ANKS4B: variants seen among roughly 807,000 people sequenced by gnomAD.
ANKS4B encodes the protein ankyrin repeat and SAM domain-containing protein 4B.
ANKS4B carries 21 observed loss-of-function variants against 20.2 expected under a neutral mutation model. The ratio of observed to expected loss-of-function variants is 1.04; its 90% confidence interval spans 0.74 to 1.50. ANKS4B has a LOEUF of 1.50. ANKS4B is among the 40% of genes most tolerant of loss of function. The pLI is 0.00. For missense variants in ANKS4B, 473 were observed against 494.6 expected, an observed-to-expected ratio of 0.96 and a Z score of 0.41; for synonymous variants, 179 against 194.5, an observed-to-expected ratio of 0.92 and a Z score of 0.66.
chr16:21,250,345 T>G lies in ANKS4B; in HGVS notation c.779T>G (p.Val260Gly). ...TTGTCAGCAGAGGAGGACGGCAGTG[T>G]GCACCATGAATCCATTCTCAATCGT... ...LQLSAEEDGS[V>G]HHESILNRPG... The change falls in exon 2 of 2, where the codon GTG becomes GGG. Residue 260 changes from valine (V) to glycine (G), a missense_variant. Physicochemically the swap from Val to Gly is moderately radical, Grantham distance 109. Transcript: ENST00000311620. 6.2e-7 allele frequency: 1 copy of G among 1,614,242 alleles called. No individual in the cohort carries two copies. The highest frequency in any genetic ancestry group is 8.5e-7 in the Non-Finnish European group (1 of 1,180,048).
rs937294705 is a variant in ANKS4B at position 21,250,080 on chromosome 16, A to T, written c.514A>T (p.Thr172Ser). The part of the protein sequence containing the change: ...AHTYSKEESG[T>S]LSSSKGTFSR... ...CACCTACAGCAAGGAGGAATCCGGG[A>T]CTCTCTCTTCTTCCAAGGGTACCTT... Residue 172 changes from threonine to serine, a missense_variant, in exon 2 of 2, where the codon ACT becomes TCT. Thr to Ser is a moderately conservative substitution (Grantham distance 58). Transcript: ENST00000311620. The T allele has an allele frequency of 3.7e-5, 59 of 1,613,904 alleles. No homozygotes were observed. The highest frequency in any genetic ancestry group is 3.3e-4 in the Middle Eastern group (2 of 6,084).
chr16:21,249,341 T>C lies in ANKS4B; in HGVS notation c.165-390T>C, dbSNP rs142319415. On this transcript the variant is annotated intron_variant, in intron 1 of 1. Transcript: ENST00000311620. ...TCTACAAAAAATTAGCTAGGTGTCA[T>C]GGTGCATGCCTGTAGTCTCAGCTAC... Among the ~76,000 whole-genome samples the C allele has an allele frequency of 6.6e-4, 100 of 152,326 alleles. 3 individuals carry two copies. The highest frequency in any genetic ancestry group is 2.4e-3 in the African/African-American group (99 of 41,574).
chr16:21,239,403 C>T (rs2093323849), intron 1 of ANKS4B, among the ~76,000 whole-genome samples: 1 of 152,042 alleles, frequency 6.6e-6, no homozygotes, highest in Non-Finnish European at 1.5e-5. Flanking sequence ...GGTGAAACCT[C>T]ATCTCTACTA....
chr16:21,246,318 G>A (rs1391639245), intron 1 of ANKS4B, among the ~76,000 whole-genome samples: 2 of 152,184 alleles, frequency 1.3e-5, no homozygotes, highest in African/African-American at 4.8e-5. Context: ...TTTGTGGAAT[G>A]TTGAGAAAGG....
At chr16:21,244,950 C>T (rs754745600) in intron 1 of ANKS4B, among the ~76,000 whole-genome samples, 28 of 152,202 alleles carry the variant, frequency 1.8e-4, no homozygotes, top group South Asian at 4.1e-4. Flanking sequence ...TCACGCTGAT[C>T]TATACTCCTG....
intron 1 of ANKS4B, 58 bp from the exon 2 acceptor site, chr16:21,249,673 G>T: frequency 1.3e-6 from 2 of 1,519,192 alleles, no homozygotes; most frequent in Non-Finnish European, 1.8e-6. Context: ...ATTTTTTTGG[G>T]CCTGCGTTCA....
At chr16:21,240,172 T>C (rs971196791) in intron 1 of ANKS4B, among the ~76,000 whole-genome samples, 5 of 152,218 alleles carry the variant, frequency 3.3e-5, no homozygotes, top group Admixed American at 1.3e-4. Context: ...TCATTACATG[T>C]ATTTTCCTGC....
intron 1 of ANKS4B, among the ~76,000 whole-genome samples, chr16:21,237,888 G>A (rs969195637): frequency 3.9e-5 from 6 of 152,176 alleles, no homozygotes; most frequent in South Asian, 2.1e-4. Flanking sequence ...TAGGCTGGGC[G>A]TGGTGGCTCA....
In ANKS4B at chr16:21,253,031, A is replaced by G. The variant is rs1380299624; in HGVS notation, c.*2211A>G. ...AAGAGAGACTCCATCTCAAAAAAAAAAAAAAAAAAAAAGAAAAAAGAAACT... is the reference window on the plus strand; with the variant it reads ...AAGAGAGACTCCATCTCAAAAAAAAGAAAAAAAAAAAAGAAAAAAGAAACT... On this transcript the variant is annotated 3_prime_UTR_variant, in exon 2 of 2. Coordinates refer to ENST00000311620, the MANE Select transcript of ANKS4B (RefSeq NM_145865.3). 2.6e-5 allele frequency: 4 copies of G among 151,748 alleles called. No individual in the cohort carries two copies. The highest frequency in any genetic ancestry group is 2.0e-4 in the Admixed American group (3 of 15,254). 9.4% of individuals were successfully genotyped at this position (151,748 alleles called of 1,614,324 possible). A position where few individuals can be genotyped will look rare whatever the true frequency, so the allele number is the denominator to read the frequency against.
In ANKS4B at chr16:21,236,317, C is replaced by T. The variant is rs2093320195; in HGVS notation, c.164+2416C>T. On this transcript the variant is annotated intron_variant, in intron 1 of 1. Coordinates refer to ENST00000311620, the MANE Select transcript of ANKS4B (RefSeq NM_145865.3). ...TCGCCCCCACGATCCAGTCACCTCC[C>T]ACCAGTCCCTACCTCCAACATTGCG... 2.6e-5 allele frequency among the ~76,000 whole-genome samples: 4 copies of T among 152,134 alleles called. No homozygotes were observed. In the South Asian group the frequency reaches 8.3e-4, roughly 32 times the overall value.
At chr16:21,242,503 G>C (rs1292518847) in intron 1 of ANKS4B, among the ~76,000 whole-genome samples, 1 of 152,152 alleles carries the variant, frequency 6.6e-6, no homozygotes, top group African/African-American at 2.4e-5. Flanking sequence ...GACTTTTTTA[G>C]ATTCCACATT....
chr16:21,250,677 C>G lies in ANKS4B; in HGVS notation c.1111C>G (p.Leu371Val), dbSNP rs2093338324. The change falls in exon 2 of 2, where the codon CTA becomes GTA. Residue 371 changes from leucine (L) to valine (V), a missense_variant. By Grantham distance (32) the Leu-to-Val change is conservative (BLOSUM62 1). Coordinates refer to ENST00000311620, the MANE Select transcript of ANKS4B (RefSeq NM_145865.3). Reference sequence around the variant, plus strand: ...TATCTTCAAGAGAGAGCAGATTGATCTAGAAGCTCTGCTGCTCTGCTCTGA... The same window carrying G: ...TATCTTCAAGAGAGAGCAGATTGATGTAGAAGCTCTGCTGCTCTGCTCTGA... ...LPIFKREQID[L>V]EALLLCSDED... The G allele has an allele frequency of 6.2e-7, 1 of 1,613,588 alleles. No individual in the cohort carries two copies. Among genetic ancestry groups the G allele is most frequent in the Non-Finnish European group, 8.5e-7 (1 of 1,179,610 alleles).
intron 1 of ANKS4B, chr16:21,243,803 G>C (rs1308546615): frequency 6.6e-6 from 1 of 152,128 alleles, no homozygotes; most frequent in African/African-American, 2.4e-5. Flanking sequence ...TTGATCTTCT[G>C]ACCTCGTGAT....
chr16:21,237,209 C>A (rs917317625), intron 1 of ANKS4B, among the ~76,000 whole-genome samples: 5 of 151,998 alleles, frequency 3.3e-5, no homozygotes, highest in Non-Finnish European at 7.4e-5. Context: ...TTAGTAGGGA[C>A]AGGGTTTCAC....
chr16:21,243,585 T>C (rs1468142770), intron 1 of ANKS4B, among the ~76,000 whole-genome samples: 1 of 152,156 alleles, frequency 6.6e-6, no homozygotes, highest in East Asian at 1.9e-4. Flanking sequence ...TTTTGTTTTG[T>C]TTTTGAGACG....
chr16:21,234,725 TTAAGA>T (rs549016085), intron 1 of ANKS4B, among the ~76,000 whole-genome samples: 46 of 152,260 alleles, frequency 3.0e-4, no homozygotes, highest in African/African-American at 1.0e-3. Flanking sequence ...CACTTATCTC[TTAAGA>T]TAAGAGATAT....
rs969031025 is a variant in ANKS4B, at chr16:21,253,394, A to G, written c.*2574A>G. 2 of 152,222 alleles carry G rather than the reference A, an allele frequency of 1.3e-5. No homozygotes were observed. Among genetic ancestry groups the G allele is most frequent in the Non-Finnish European group, 2.9e-5 (2 of 68,038 alleles). The allele number at this position is 152,222 out of a possible 1,614,324, so 9.4% of individuals were successfully genotyped here. A position where few individuals can be genotyped will look rare whatever the true frequency, so the allele number is the denominator to read the frequency against. On this transcript the variant is annotated 3_prime_UTR_variant, in exon 2 of 2. Transcript: ENST00000311620. ...ACGTTGCATTAGGGGATGATTGTTT[A>G]CAAATACCTTATCTTGTGGAATAAA...
intron 1 of ANKS4B, among the ~76,000 whole-genome samples, chr16:21,234,520 A>ACACACACC (rs897610619): frequency 2.1e-5 from 3 of 144,456 alleles, no homozygotes; most frequent in Admixed American, 2.1e-4. Context: ...ACACACACAC[A>ACACACACC]CCCCATCTCT....
chr16:21,248,541 C>T (rs945659683), intron 1 of ANKS4B, among the ~76,000 whole-genome samples: 1 of 151,706 alleles, frequency 6.6e-6, no homozygotes, highest in Admixed American at 6.6e-5. Context: ...ACCAGCCTGA[C>T]CAACACGGTG....
Sources: allele counts gnomAD v4.1 joint callset (sites outside exome capture counted in the v4.1 genomes callset), GRCh38; gene constraint gnomAD v4.1.1; transcripts MANE v1.5; gene names NCBI Gene and HGNC (gene_info 2026-07-23, HGNC 2026-07-21).